The following CCDC148 variants were observed in gnomAD, a reference collection of about 807,000 sequenced individuals.
CCDC148 encodes coiled-coil domain containing 148.
CCDC148 carries 89 observed loss-of-function variants against 85.7 expected under a neutral mutation model. The ratio of observed to expected loss-of-function variants is 1.04; its 90% CI spans 0.87 to 1.24. CCDC148 has a LOEUF of 1.24. CCDC148 is among the 50% of genes most tolerant of loss of function. The pLI, the probability that CCDC148 is intolerant of heterozygous loss-of-function variation, is 0.00. For synonymous variants in CCDC148, 230 were observed against 213.9 expected (o/e 1.08, Z -0.66); for missense variants, 692 against 671.7 (o/e 1.03, Z -0.33).
At chr2:158,440,254 G>A (rs754882203) in intron 1 of CCDC148, among the ~76,000 whole-genome samples, 3 of 152,104 alleles carry the variant, frequency 2.0e-5, no homozygotes, top group Non-Finnish European at 4.4e-5. Context: ...AGTGTAAAAT[G>A]GTGTAGCCAT....
chr2:158,273,240 G>C (rs911605132), intron 9 of CCDC148, among the ~76,000 whole-genome samples: 6 of 152,162 alleles, frequency 3.9e-5, no homozygotes, highest in African/African-American at 1.2e-4. Context: ...TGGGTTAAAA[G>C]TCTATATTTT....
chr2:158,237,488 C>A (rs1688159875), intron 10 of CCDC148, among the ~76,000 whole-genome samples: 1 of 152,130 alleles, frequency 6.6e-6, no homozygotes. Flanking sequence ...AGCCTTCTAT[C>A]CATGCCAACA....
At chr2:158,377,370 C>T (rs1342167169) in intron 1 of CCDC148, among the ~76,000 whole-genome samples, 4 of 151,572 alleles carry the variant, frequency 2.6e-5, no homozygotes, top group African/African-American at 4.9e-5. Context: ...AAAGTACCAT[C>T]AAATACTTTG....
At chr2:158,225,928 T>C (rs1374317119) in intron 10 of CCDC148, among the ~76,000 whole-genome samples, 1 of 152,100 alleles carries the variant, frequency 6.6e-6, no homozygotes, top group African/African-American at 2.4e-5. Flanking sequence ...ATTCAACAGC[T>C]AGCAGAAGGC....
intron 9 of CCDC148, among the ~76,000 whole-genome samples, chr2:158,266,914 AT>A: frequency 7.4e-6 from 1 of 135,906 alleles, no homozygotes; most frequent in African/African-American, 3.2e-5. Context: ...ATACACACAC[AT>A]ATATACATAT....
chr2:158,454,151 A>G (rs892089755), intron 1 of CCDC148, among the ~76,000 whole-genome samples: 5 of 152,248 alleles, frequency 3.3e-5, no homozygotes, highest in African/African-American at 4.8e-5. Flanking sequence ...CTTCAAAATC[A>G]TTTCAGTGGT....
chr2:158,431,488 T>TA (rs762125420), intron 1 of CCDC148, among the ~76,000 whole-genome samples: 112 of 147,024 alleles, frequency 7.6e-4, no homozygotes, highest in Middle Eastern at 3.5e-3. Context: ...AGGTGTTTTT[T>TA]AAAAAAAAAA....
At chr2:158,277,743 C>A (rs983190412) in intron 9 of CCDC148, among the ~76,000 whole-genome samples, 2 of 152,122 alleles carry the variant, frequency 1.3e-5, no homozygotes, top group Admixed American at 6.5e-5. Flanking sequence ...ACTACAGGCG[C>A]CCGCCATCAT....
chr2:158,355,294 T>C (rs940478895), intron 2 of CCDC148, among the ~76,000 whole-genome samples: 8 of 152,202 alleles, frequency 5.3e-5, no homozygotes, highest in African/African-American at 1.9e-4. Flanking sequence ...AAATTGTCCC[T>C]GTTTGCAGAC....
At chr2:158,247,331 A>AAGTTGT (rs1688607524) in intron 10 of CCDC148, among the ~76,000 whole-genome samples, 1 of 152,204 alleles carries the variant, frequency 6.6e-6, no homozygotes, top group Non-Finnish European at 1.5e-5. Flanking sequence ...TAAAAAAGCA[A>AAGTTGT]AGTTGTAGTA....
chr2:158,276,599 T>G (rs919313546), intron 9 of CCDC148, among the ~76,000 whole-genome samples: 23 of 137,446 alleles, frequency 1.7e-4, no homozygotes, highest in African/African-American at 6.5e-4. Context: ...ACAAAACAAC[T>G]GCCTCATTAT....
intron 11 of CCDC148, among the ~76,000 whole-genome samples, chr2:158,212,210 GGGATTT>G (rs1316610295): frequency 6.6e-6 from 1 of 152,176 alleles, no homozygotes; most frequent in Non-Finnish European, 1.5e-5. Context: ...ACTTGGAATG[GGGATTT>G]GGTTGACAGA....
intron 9 of CCDC148, among the ~76,000 whole-genome samples, chr2:158,299,957 A>G (rs992087438): frequency 6.6e-6 from 1 of 152,222 alleles, no homozygotes; most frequent in African/African-American, 2.4e-5. Context: ...TGGGTCATAC[A>G]ATCAGCTAGA....
intron 1 of CCDC148, among the ~76,000 whole-genome samples, chr2:158,421,269 A>T (rs892723464): frequency 9.2e-5 from 14 of 152,184 alleles, no homozygotes; most frequent in Admixed American, 6.5e-5. Flanking sequence ...CTCCACCCCA[A>T]ATCAACAGAA....
intron 1 of CCDC148, among the ~76,000 whole-genome samples, chr2:158,435,824 A>T (rs985484353): frequency 1.3e-5 from 2 of 152,218 alleles, no homozygotes; most frequent in Admixed American, 1.3e-4. Context: ...AGGGGTTGCA[A>T]TCCTAGTCTC....
intron 9 of CCDC148, among the ~76,000 whole-genome samples, chr2:158,259,500 G>A (rs1327685754): frequency 2.0e-5 from 3 of 151,900 alleles, no homozygotes; most frequent in African/African-American, 7.2e-5. Context: ...TTATGTACCT[G>A]GATTGCTGCA....
intron 9 of CCDC148, among the ~76,000 whole-genome samples, chr2:158,290,750 G>A (rs1020627848): frequency 5.9e-5 from 9 of 152,042 alleles, no homozygotes; most frequent in African/African-American, 2.2e-4. Context: ...GCTCCATGAG[G>A]GTTGGGATTT....
intron 8 of CCDC148, among the ~76,000 whole-genome samples, chr2:158,313,206 T>A (rs1692118013): frequency 6.6e-6 from 1 of 152,236 alleles, no homozygotes; most frequent in Admixed American, 6.5e-5. Context: ...AGTTCCTTTT[T>A]AGGAAAATAT....
chr2:158,219,784 G>C (rs891864803), intron 11 of CCDC148, among the ~76,000 whole-genome samples: 1 of 152,150 alleles, frequency 6.6e-6, no homozygotes, highest in Non-Finnish European at 1.5e-5. Flanking sequence ...CATTCAGAGG[G>C]TCATAACCAT....
Sources: allele counts gnomAD v4.1 joint callset (sites outside exome capture counted in the v4.1 genomes callset), GRCh38; gene constraint gnomAD v4.1.1; transcripts MANE v1.5; gene names NCBI Gene and HGNC (gene_info 2026-07-23, HGNC 2026-07-21).